The following SP3 variants were observed in gnomAD, a reference collection of about 807,000 sequenced individuals.
SP3 encodes the protein Sp3 transcription factor, also known as transcription factor Sp3.
SP3 carries 10 observed loss-of-function variants against 70.3 expected under a neutral mutation model. That is an observed-to-expected ratio of 0.14 (90% CI 0.09 to 0.24). The LOEUF (loss-of-function observed/expected upper bound fraction) is 0.24, where lower values mean the gene tolerates loss of function less well. Ranked by LOEUF, SP3 falls within the 10% of genes least tolerant of loss-of-function variation. The pLI, the probability that SP3 is intolerant of heterozygous loss-of-function variation, is 1.00. For missense variants in SP3, 825 were observed against 914.6 expected (o/e 0.90, Z 1.26); for synonymous variants, 402 against 333.5 (o/e 1.21, Z -2.24).
At chr2:173,964,723 G>A (rs1382323377) in intron 1 of SP3, 170 bp from the exon 2 acceptor site, 8 of 354,772 alleles carry the variant, frequency 2.3e-5, no homozygotes, top group Admixed American at 2.0e-4. Flanking sequence ...CTCCCCTCCT[G>A]CTGCTGCCCC....
Position 173,955,651 on chromosome 2 carries a change from A to T in SP3, c.861T>A (p.Thr287=), listed in dbSNP as rs1690858298. The change falls in exon 4 of 7, where the codon ACT becomes ACA. Residue 287 remains threonine (T), a synonymous_variant. Transcript: ENST00000310015. Reference sequence around the variant, plus strand: ...AATGTCCGTCGGCATTAATGCCTGCAGTCATTGTCTGAGAACTGCCCGAGA... The same window carrying T: ...AATGTCCGTCGGCATTAATGCCTGCTGTCATTGTCTGAGAACTGCCCGAGA... ...LGLSGSSQTM[T]AGINADGHLI... 1.2e-6 allele frequency: 2 copies of T among 1,614,228 alleles called. No homozygotes were observed. The highest frequency in any genetic ancestry group is 1.7e-6 in the Non-Finnish European group (2 of 1,180,036).
Position 173,905,437 on chromosome 2 carries a change from A to G in SP3, c.*4504T>C, listed in dbSNP as rs554360945. Among the ~76,000 whole-genome samples the G allele has an allele frequency of 6.6e-6, 1 of 152,308 alleles. No individual in the cohort carries two copies. The highest frequency in any genetic ancestry group is 1.9e-4 in the East Asian group (1 of 5,180). ...GGTAAGAAAACTACCAATATCACAC[A>G]TCTAGTAAGTAGCTTAGCATAGATT... is the stretch of plus-strand genomic sequence containing the variant. On this transcript the variant is annotated 3_prime_UTR_variant, in exon 7 of 7. Coordinates refer to ENST00000310015, the MANE Select transcript of SP3 (RefSeq NM_003111.5).
chr2:173,933,135 CA>C (rs1690111841), intron 4 of SP3, among the ~76,000 whole-genome samples: 1 of 152,030 alleles, frequency 6.6e-6, no homozygotes, highest in East Asian at 1.9e-4. Context: ...CCACATTCTT[CA>C]TTTTTTTTTA....
At position 173,909,592 on chromosome 2, in the gene SP3, A is replaced by G. The variant is rs1689420688; in HGVS notation, c.*349T>C. On this transcript the variant is annotated 3_prime_UTR_variant, in exon 7 of 7. Transcript: ENST00000310015. ...TCACCCACCAGCTTTTTTATCTTACAATAGATAAATACCAACATGTTCTCA... is the reference window on the plus strand; with the variant it reads ...TCACCCACCAGCTTTTTTATCTTACGATAGATAAATACCAACATGTTCTCA... 6.1e-6 allele frequency: 1 copy of G among 163,596 alleles called. No homozygotes were observed. Among genetic ancestry groups the G allele is most frequent in the Non-Finnish European group, 1.3e-5 (1 of 74,624 alleles). The allele number at this position is 163,596 out of a possible 1,614,324, so 10.1% of individuals were successfully genotyped here.
Position 173,904,724 on chromosome 2 carries a change from C to T in SP3, c.*5217G>A, listed in dbSNP as rs1038953806. On this transcript the variant is annotated 3_prime_UTR_variant, in exon 7 of 7. Coordinates refer to ENST00000310015, the MANE Select transcript of SP3 (RefSeq NM_003111.5). ...TGTCTGATTTCTGAACAGCTCCTCACGGAAGGTGGCAGAAAGTAATGCTCA... is the reference window on the plus strand; with the variant it reads ...TGTCTGATTTCTGAACAGCTCCTCATGGAAGGTGGCAGAAAGTAATGCTCA... Among the ~76,000 whole-genome samples, 2 of 152,178 alleles carry T rather than the reference C, an allele frequency of 1.3e-5. No homozygotes were observed. Among genetic ancestry groups the T allele is most frequent in the African/African-American group, 2.4e-5 (1 of 41,442 alleles).
At chr2:173,961,951 T>G (rs926966905) in intron 3 of SP3, among the ~76,000 whole-genome samples, 4 of 151,272 alleles carry the variant, frequency 2.6e-5, no homozygotes, top group Non-Finnish European at 5.9e-5. Flanking sequence ...TTTTTTTTTT[T>G]TTTTTTTTTA....
At chr2:173,946,489 T>G (rs1690541733) in intron 4 of SP3, among the ~76,000 whole-genome samples, 1 of 152,102 alleles carries the variant, frequency 6.6e-6, no homozygotes, top group East Asian at 1.9e-4. Context: ...TACTGTTATT[T>G]CCTCATTTCC....
chr2:173,905,082 T>C lies in SP3; in HGVS notation c.*4859A>G, dbSNP rs1021029063. ...TTCTTCTTATTCCATCCTTTTCTGA[T>C]AGGGCAGTCACTTCAGACACTTCAT... On this transcript the variant is annotated 3_prime_UTR_variant, in exon 7 of 7. Coordinates refer to ENST00000310015, the MANE Select transcript of SP3 (RefSeq NM_003111.5). 5.9e-5 allele frequency among the ~76,000 whole-genome samples: 9 copies of C among 152,234 alleles called. No individual in the cohort carries two copies. The highest frequency in any genetic ancestry group is 1.9e-4 in the African/African-American group (8 of 41,468).
chr2:173,931,966 G>A (rs1004393028), intron 4 of SP3, among the ~76,000 whole-genome samples: 2 of 152,136 alleles, frequency 1.3e-5, no homozygotes, highest in African/African-American at 2.4e-5. Context: ...TTCTTATCAC[G>A]TGTTCACTGG....
intron 4 of SP3, among the ~76,000 whole-genome samples, chr2:173,945,742 A>T (rs1300187670): frequency 6.6e-6 from 1 of 152,164 alleles, no homozygotes; most frequent in Non-Finnish European, 1.5e-5. Flanking sequence ...GATCACGGGG[A>T]CACCTCCCCC....
intron 4 of SP3, among the ~76,000 whole-genome samples, chr2:173,951,320 A>C (rs984386735): frequency 1.1e-4 from 17 of 152,208 alleles, no homozygotes; most frequent in African/African-American, 3.9e-4. Flanking sequence ...CACATTACTG[A>C]CGTTCACAAA....
chr2:173,912,940 TA>T lies in SP3; in HGVS notation c.2029+129del, dbSNP rs1689528304. ...GTTATTAAGATGGTGTTACTAAAGG[TA>T]AAAATTGGATGTAATTCATTGTATT... On this transcript the variant is annotated intron_variant, in intron 6 of 6. Transcript: ENST00000310015. 3 of 592,934 alleles carry T rather than the reference TA, an allele frequency of 5.1e-6. No individual in the cohort carries two copies. In the South Asian group the frequency reaches 1.3e-4, roughly 26 times the overall value. 36.7% of individuals were successfully genotyped at this position (592,934 alleles called of 1,614,324 possible).
intron 3 of SP3, among the ~76,000 whole-genome samples, chr2:173,958,609 TAAGGA>T (rs943504702): frequency 1.3e-5 from 2 of 149,876 alleles, no homozygotes; most frequent in African/African-American, 4.9e-5. Flanking sequence ...ACAGGTAATT[TAAGGA>T]AAAGAATCAA....
In SP3 at chr2:173,965,194, C is replaced by T. The variant is rs985546784; in HGVS notation, c.-23G>A. 5.8e-6 allele frequency: 9 copies of T among 1,546,646 alleles called. No individual in the cohort carries two copies. The African/African-American group carries it at 8.3e-5, about 14-fold the overall frequency. The stretch of plus-strand genomic sequence containing the variant: ...CATAGTGTGTTTAGGGCACCTCAGG[C>T]GGGGCTCCCCGCCGCCTTACACATG... On this transcript the variant is annotated 5_prime_UTR_variant, in exon 1 of 7. Transcript: ENST00000310015.
intron 4 of SP3, among the ~76,000 whole-genome samples, chr2:173,920,487 T>C (rs1689722081): frequency 6.6e-6 from 1 of 152,126 alleles, no homozygotes; most frequent in African/African-American, 2.4e-5. Context: ...CCACTCTGAA[T>C]GATGGGTGAT....
At chr2:173,915,942 C>T (rs1038168985) in intron 5 of SP3, 16 of 151,944 alleles carry the variant, frequency 1.1e-4, no homozygotes, top group Admixed American at 7.2e-4. Flanking sequence ...TCTAAAAATG[C>T]CATCTTGCCC....
Position 173,964,488 on chromosome 2 carries a change from C to CACCGCCGCCGCT in SP3, c.72_73insAGCGGCGGCGGT (p.Gly24_Gly25insSerGlyGlyGly). 1 of 704,914 alleles carries CACCGCCGCCGCT rather than the reference C, an allele frequency of 1.4e-6. No homozygotes were observed. Among genetic ancestry groups the CACCGCCGCCGCT allele is most frequent in the Non-Finnish European group, 2.6e-6 (1 of 380,576 alleles). The allele number at this position is 704,914 out of a possible 1,614,324, so 43.7% of individuals were successfully genotyped here. On this transcript the variant is annotated inframe_insertion, in exon 2 of 7. Coordinates refer to ENST00000310015, the MANE Select transcript of SP3 (RefSeq NM_003111.5). The stretch of plus-strand genomic sequence containing the variant: ...TACTCGCCGTGGCCGCCGCCGCCGC[C>CACCGCCGCCGCT]ACCGCCGCCGCCGCTATCCACGTCC...
At chr2:173,924,388 A>G (rs1375532551) in intron 4 of SP3, among the ~76,000 whole-genome samples, 3 of 152,230 alleles carry the variant, frequency 2.0e-5, no homozygotes, top group Non-Finnish European at 4.4e-5. Context: ...TGTGACCTGT[A>G]ATTAGTAAAC....
In SP3 at chr2:173,903,424, G is replaced by A. The variant is rs951000678; in HGVS notation, c.*6517C>T. On this transcript the variant is annotated 3_prime_UTR_variant, in exon 7 of 7. Transcript: ENST00000310015. ...ATGTGTGTCTAAGTCCCAAACCTAT[G>A]CACTTAATCACTATATTATGCTATG... Among the ~76,000 whole-genome samples the A allele has an allele frequency of 2.0e-5, 3 of 152,084 alleles. No individual in the cohort carries two copies. Among genetic ancestry groups the A allele is most frequent in the Non-Finnish European group, 4.4e-5 (3 of 68,020 alleles).
Sources: gnomAD v4.1 joint callset for allele counts (sites outside exome capture counted in the v4.1 genomes callset) on GRCh38, gnomAD v4.1.1 for gene constraint, MANE v1.5 for transcripts, NCBI Gene and HGNC (gene_info 2026-07-23, HGNC 2026-07-21) for gene names.